AUTS2: variants seen among roughly 807,000 people sequenced by gnomAD.
AUTS2 encodes activator of transcription and developmental regulator AUTS2.
AUTS2 carries 17 observed loss-of-function variants against 112.4 expected under a neutral mutation model. The ratio of observed to expected loss-of-function variants is 0.15; its 90% confidence interval spans 0.10 to 0.23. AUTS2 has a LOEUF of 0.23. AUTS2 is among the 10% of genes least tolerant of loss of function. The pLI is 1.00. For synonymous variants in AUTS2, 751 were observed against 702.7 expected (o/e 1.07, Z -1.09); for missense variants, 1,510 against 1,701.6 (o/e 0.89, Z 1.98).
chr7:70,635,143 C>T (rs1236917091), intron 5 of AUTS2, among the ~76,000 whole-genome samples: 1 of 152,170 alleles, frequency 6.6e-6, no homozygotes. Flanking sequence ...GTCTTTCATG[C>T]CACGTTAGAG....
chr7:70,029,779 A>G (rs568149664), intron 2 of AUTS2, among the ~76,000 whole-genome samples: 186 of 152,326 alleles, frequency 1.2e-3, no homozygotes, highest in African/African-American at 4.4e-3. Context: ...AATATGTTCA[A>G]CTTTGCTGGT....
rs7797987 is a variant in AUTS2 at position 70,551,743 on chromosome 7, T to C, written c.690+115962T>C. Among the ~76,000 whole-genome samples the C allele has an allele frequency of 7.3e-3, 1,114 of 152,330 alleles. 9 individuals carry two copies. Among genetic ancestry groups the C allele is most frequent in the African/African-American group, 0.026 (1,069 of 41,584 alleles). On this transcript the variant is annotated intron_variant, in intron 5 of 18. Transcript: ENST00000342771. ...TAGTGCTATGTTAGTATTGGTTCAT[T>C]ACTTCTAACACACATGACATACTAA... is the stretch of plus-strand genomic sequence containing the variant.
chr7:69,691,733 A>G (rs895313492), intron 1 of AUTS2, among the ~76,000 whole-genome samples: 2 of 151,266 alleles, frequency 1.3e-5, no homozygotes, highest in Non-Finnish European at 2.9e-5. Context: ...CCACCCTGCT[A>G]ACTCGGTATG....
chr7:69,674,285 T>G (rs1454713818), intron 1 of AUTS2, among the ~76,000 whole-genome samples: 1 of 152,242 alleles, frequency 6.6e-6, no homozygotes, highest in Admixed American at 6.5e-5. Flanking sequence ...AGGTACCTTC[T>G]CTGGAGGCTG....
At chr7:70,147,217 C>T (rs1321983941) in intron 4 of AUTS2, among the ~76,000 whole-genome samples, 1 of 149,888 alleles carries the variant, frequency 6.7e-6, no homozygotes, top group African/African-American at 2.5e-5. Flanking sequence ...TAGGCAATAT[C>T]TCTTAAAAAA....
At chr7:70,637,467 TG>T (rs1217414369) in intron 5 of AUTS2, among the ~76,000 whole-genome samples, 1 of 152,192 alleles carries the variant, frequency 6.6e-6, no homozygotes, top group Non-Finnish European at 1.5e-5. Context: ...AGTCAATAAG[TG>T]CTTATTAGAT....
At chr7:69,667,440 A>G (rs955621373) in intron 1 of AUTS2, among the ~76,000 whole-genome samples, 1 of 146,216 alleles carries the variant, frequency 6.8e-6, no homozygotes, top group Non-Finnish European at 1.5e-5. Flanking sequence ...ATTGCAGCCT[A>G]TGCCTCCTGG....
chr7:69,763,113 C>T (rs1464205661), intron 1 of AUTS2, among the ~76,000 whole-genome samples: 2 of 152,182 alleles, frequency 1.3e-5, no homozygotes, highest in African/African-American at 4.8e-5. Context: ...AATAATGCCA[C>T]CTCATACTTG....
intron 5 of AUTS2, among the ~76,000 whole-genome samples, chr7:70,507,672 C>T (rs1373800291): frequency 1.3e-5 from 2 of 152,056 alleles, no homozygotes; most frequent in Non-Finnish European, 2.9e-5. Flanking sequence ...TGACGGGCAC[C>T]TGTAATCCCA....
At chr7:70,750,072 A>G (rs1466447006) in intron 6 of AUTS2, among the ~76,000 whole-genome samples, 1 of 152,124 alleles carries the variant, frequency 6.6e-6, no homozygotes, top group Non-Finnish European at 1.5e-5. Flanking sequence ...AGTGGTCCAC[A>G]TGCCTGGGTG....
intron 4 of AUTS2, among the ~76,000 whole-genome samples, chr7:70,177,268 C>T (rs1809038921): frequency 6.6e-6 from 1 of 151,924 alleles, no homozygotes; most frequent in Non-Finnish European, 1.5e-5. Flanking sequence ...ATGAGCCTTT[C>T]AAGGAGGTAC....
chr7:70,109,647 G>A (rs527363835), intron 2 of AUTS2, among the ~76,000 whole-genome samples: 4 of 152,300 alleles, frequency 2.6e-5, no homozygotes, highest in South Asian at 2.1e-4. Flanking sequence ...GGAGACCAAC[G>A]TTTTATCATG....
intron 5 of AUTS2, among the ~76,000 whole-genome samples, chr7:70,584,094 T>C (rs948838087): frequency 2.6e-5 from 4 of 152,216 alleles, no homozygotes; most frequent in Admixed American, 2.6e-4. Context: ...GAAAAGCTGT[T>C]TTCCTCCAGA....
intron 5 of AUTS2, among the ~76,000 whole-genome samples, chr7:70,476,302 G>C (rs1010365599): frequency 5.9e-5 from 9 of 152,194 alleles, no homozygotes; most frequent in East Asian, 3.9e-4. Flanking sequence ...GCCCTCACGT[G>C]AGGCTCACCC....
chr7:69,600,012 C>T (rs764765586), intron 1 of AUTS2, 50 bp downstream of exon 1: 3 of 1,579,800 alleles, frequency 1.9e-6, no homozygotes, highest in South Asian at 2.2e-5. Context: ...CGACCCCACT[C>T]GGCTGCGCCC....
At chr7:70,472,560 A>T (rs1301577869) in intron 5 of AUTS2, among the ~76,000 whole-genome samples, 1 of 152,160 alleles carries the variant, frequency 6.6e-6, no homozygotes, top group Non-Finnish European at 1.5e-5. Context: ...AATATTTTTT[A>T]AAATTACCAG....
chr7:70,345,738 A>C (rs931473874), intron 4 of AUTS2, among the ~76,000 whole-genome samples: 4 of 152,196 alleles, frequency 2.6e-5, no homozygotes, highest in African/African-American at 9.6e-5. Flanking sequence ...CAAGACTCTC[A>C]TGACTTTCTT....
chr7:70,003,419 G>A (rs1375937410), intron 2 of AUTS2, among the ~76,000 whole-genome samples: 2 of 110,888 alleles, frequency 1.8e-5, no homozygotes, highest in African/African-American at 7.8e-5. Flanking sequence ...ATATGAATAT[G>A]TTATATATGA....
chr7:69,930,294 C>A (rs534462493), intron 2 of AUTS2, among the ~76,000 whole-genome samples: 1 of 152,240 alleles, frequency 6.6e-6, no homozygotes, highest in South Asian at 2.1e-4. Context: ...CTCTGTAGAT[C>A]TCCAGGGCTC....
Sources: allele counts gnomAD v4.1 joint callset (sites outside exome capture counted in the v4.1 genomes callset), GRCh38; gene constraint gnomAD v4.1.1; transcripts MANE v1.5; gene names NCBI Gene and HGNC (gene_info 2026-07-23, HGNC 2026-07-21).